RPE65: variants seen among roughly 807,000 people sequenced by gnomAD.
RPE65 encodes retinoid isomerohydrolase.
RPE65 carries 58 observed loss-of-function variants against 68.5 expected under a neutral mutation model. That is an observed-to-expected ratio of 0.85 (90% CI 0.69 to 1.05). The LOEUF (loss-of-function observed/expected upper bound fraction) is 1.05, where lower values mean the gene tolerates loss of function less well. Ranked by LOEUF, RPE65 falls within the 50% of genes least tolerant of loss-of-function variation. The probability of loss-of-function intolerance (pLI) is 0.00; values close to 1 mark genes in which losing one functional copy is unlikely to be tolerated. For synonymous variants in RPE65, 220 were observed against 222.2 expected, an observed-to-expected ratio of 0.99 and a Z score of 0.09; for missense variants, 643 against 629.9, an observed-to-expected ratio of 1.02 and a Z score of -0.22.
At chr1:68,433,001 A>G (rs1424131145) in intron 10 of RPE65, among the ~76,000 whole-genome samples, 9 of 152,160 alleles carry the variant, frequency 5.9e-5, no homozygotes. Context: ...TTTGACCTGT[A>G]CAATGTTGAT....
intron 10 of RPE65, among the ~76,000 whole-genome samples, chr1:68,434,121 C>G (rs1308943018): frequency 6.6e-6 from 1 of 150,450 alleles, no homozygotes; most frequent in Admixed American, 6.7e-5. Flanking sequence ...TATATACACA[C>G]ACACACACAC....
chr1:68,438,947 C>T lies in RPE65; in HGVS notation c.993G>A (p.Trp331Ter), dbSNP rs1645879569. 1.2e-6 allele frequency: 2 copies of T among 1,613,878 alleles called. No individual in the cohort carries two copies. Among genetic ancestry groups the T allele is most frequent in the Non-Finnish European group, 1.7e-6 (2 of 1,179,940 alleles). The change falls in exon 9 of 14, where the codon TGG (tryptophan) becomes TGA (stop). Residue 331 changes from tryptophan to a stop codon, truncating the protein, a stop_gained. Coordinates refer to ENST00000262340, the MANE Select transcript of RPE65 (RefSeq NM_000329.3). LOFTEE classifies it high-confidence loss of function. Reference protein sequence around the residue: ...NGFLIVDLCCWKGFEFVYNYL... With the variant: ...NGFLIVDLCC ...TGTCCAGTGTCCTTTCTTACCCTTT[C>T]CAGCAGCAGAGATCCACAATCAGAA...
chr1:68,436,891 A>C (rs992761132), intron 10 of RPE65, among the ~76,000 whole-genome samples: 2 of 152,288 alleles, frequency 1.3e-5, no homozygotes, highest in South Asian at 4.1e-4. Flanking sequence ...ACATGTAATT[A>C]GATACCAACT....
At chr1:68,435,126 A>G (rs1645851755) in intron 10 of RPE65, among the ~76,000 whole-genome samples, 1 of 151,922 alleles carries the variant, frequency 6.6e-6, no homozygotes, top group African/African-American at 2.4e-5. Flanking sequence ...ACCTGCACTC[A>G]TCTTTGTGAC....
chr1:68,429,561 C>T lies in RPE65; in HGVS notation c.*215G>A. ...AGTTTTTCAGTTATGGCCTGTCTCA[C>T]AGAGGAAGTATGATTATCTAAATAC... On this transcript the variant is annotated 3_prime_UTR_variant, in exon 14 of 14. Transcript: ENST00000262340. 3.5e-6 allele frequency: 2 copies of T among 571,178 alleles called. No homozygotes were observed. The highest frequency in any genetic ancestry group is 4.1e-5 in the South Asian group (2 of 49,192). The allele number at this position is 571,178 out of a possible 1,614,324, so 35.4% of individuals were successfully genotyped here. A position where few individuals can be genotyped will look rare whatever the true frequency, so the allele number is the denominator to read the frequency against.
At position 68,429,782 on chromosome 1, in the gene RPE65, T is replaced by C. The variant is rs1645806872; in HGVS notation, c.1596A>G (p.Lys532=). The change falls in exon 14 of 14, where the codon AAA becomes AAG. Residue 532 remains lysine (K), a synonymous_variant. Transcript: ENST00000262340. ...IPVTFHGLFK[K]S ...ATATCTTGCTGGAGTATGCTCAAGA[T>C]TTTTTGAACAGTCCATGAAAGGTGA... The C allele has an allele frequency of 6.2e-7, 1 of 1,613,580 alleles. No individual in the cohort carries two copies.
chr1:68,431,728 C>G (rs1392472286), intron 10 of RPE65, 143 bp from the exon 11 acceptor site: 5 of 725,424 alleles, frequency 6.9e-6, no homozygotes, highest in Non-Finnish European at 1.2e-5. Flanking sequence ...GATGAGGGAC[C>G]CTGGGACGCG....
intron 7 of RPE65, 95 bp downstream of exon 7, chr1:68,439,466 A>G: frequency 6.4e-7 from 1 of 1,565,082 alleles, no homozygotes; most frequent in Non-Finnish European, 8.8e-7. Flanking sequence ...GTTTTCTGCA[A>G]AAAAATATTG....
chr1:68,438,890 T>C, intron 9 of RPE65, 52 bp downstream of exon 9: 2 of 1,612,220 alleles, frequency 1.2e-6, no homozygotes, highest in Non-Finnish European at 8.5e-7. Context: ...AAAAACCCCG[T>C]AATTTCCAGG....
In RPE65 at chr1:68,444,394, A is replaced by G. The variant is rs962405882; in HGVS notation, c.495+137T>C. Reference sequence around the variant, plus strand: ...TAGACAGAGGCAATCAGTGCAGTCCATTTGGAGCTTGGAATGGTCATTCTG... The same window carrying G: ...TAGACAGAGGCAATCAGTGCAGTCCGTTTGGAGCTTGGAATGGTCATTCTG... On this transcript the variant is annotated intron_variant, in intron 5 of 13. Coordinates refer to ENST00000262340, the MANE Select transcript of RPE65 (RefSeq NM_000329.3). 9 of 1,141,074 alleles carry G rather than the reference A, an allele frequency of 7.9e-6. No homozygotes were observed. In the African/African-American group the frequency reaches 1.2e-4, roughly 15 times the overall value. 70.7% of individuals were successfully genotyped at this position (1,141,074 alleles called of 1,614,324 possible).
chr1:68,445,340 T>G (rs1338717419), intron 3 of RPE65, among the ~76,000 whole-genome samples: 1 of 152,182 alleles, frequency 6.6e-6, no homozygotes, highest in Non-Finnish European at 1.5e-5. Flanking sequence ...TCTGTTACTT[T>G]TATGTTTTTC....
chr1:68,442,003 C>T (rs1354409028), intron 5 of RPE65, among the ~76,000 whole-genome samples: 2 of 152,178 alleles, frequency 1.3e-5, no homozygotes, highest in African/African-American at 2.4e-5. Flanking sequence ...TCTATTAATA[C>T]AGGACCACTA....
chr1:68,441,600 A>T (rs1367295247), intron 5 of RPE65, among the ~76,000 whole-genome samples: 2 of 152,168 alleles, frequency 1.3e-5, no homozygotes, highest in Non-Finnish European at 2.9e-5. Flanking sequence ...TTTATGTCTC[A>T]TAAGAAGTTT....
chr1:68,438,159 A>G (rs1387429820), intron 10 of RPE65, 28 bp downstream of exon 10: 8 of 1,613,362 alleles, frequency 5.0e-6, no homozygotes, highest in Non-Finnish European at 6.8e-6. Context: ...TTCTGGTTAA[A>G]TCTGAAATCT....
At chr1:68,444,388 C>T in intron 5 of RPE65, 143 bp downstream of exon 5, 1 of 1,032,704 alleles carries the variant, frequency 9.7e-7, no homozygotes, top group Non-Finnish European at 1.5e-6. Context: ...GCAATCAGTG[C>T]AGTCCATTTG....
chr1:68,444,938 C>T, intron 3 of RPE65, 55 bp from the exon 4 acceptor site: 2 of 1,486,702 alleles, frequency 1.3e-6, no homozygotes, highest in Admixed American at 3.4e-5. Flanking sequence ...CCGTACAGCC[C>T]ATGTGGAGCT....
At position 68,448,633 on chromosome 1, in the gene RPE65, G is replaced by C; in HGVS notation, c.85C>G (p.His29Asp). 2 of 1,613,942 alleles carry C rather than the reference G, an allele frequency of 1.2e-6. No individual in the cohort carries two copies. The highest frequency in any genetic ancestry group is 1.7e-6 in the Non-Finnish European group (2 of 1,179,966). ...VEELSSPLTA[H>D]VTGRIPLWLT... Reference sequence around the variant, plus strand: ...GATGGGCGAGACCAACCTGTTACATGAGCTGTGAGCGGCGAGGACAGTTCC... The same window carrying C: ...GATGGGCGAGACCAACCTGTTACATCAGCTGTGAGCGGCGAGGACAGTTCC... The change falls in exon 2 of 14, where the codon CAT becomes GAT. Residue 29 changes from histidine to aspartate, a missense_variant. Physicochemically the swap from His to Asp is moderately conservative, Grantham distance 81. Coordinates refer to ENST00000262340, the MANE Select transcript of RPE65 (RefSeq NM_000329.3).
At chr1:68,438,051 T>C in intron 10 of RPE65, 136 bp downstream of exon 10, 1 of 1,070,126 alleles carries the variant, frequency 9.3e-7, no homozygotes, top group Admixed American at 2.5e-5. Flanking sequence ...TGAAGGAAGT[T>C]TAATTAGCCT....
chr1:68,447,901 T>C (rs144965088), intron 2 of RPE65, among the ~76,000 whole-genome samples: 9 of 151,998 alleles, frequency 5.9e-5, no homozygotes, highest in Admixed American at 2.0e-4. Flanking sequence ...AAACCCCAGG[T>C]AGGTTTATCC....
Sources: allele counts gnomAD v4.1 joint callset (sites outside exome capture counted in the v4.1 genomes callset), GRCh38; gene constraint gnomAD v4.1.1; transcripts MANE v1.5; gene names NCBI Gene and HGNC (gene_info 2026-07-23, HGNC 2026-07-21).